The following CUL7 variants were observed in gnomAD, a reference collection of about 807,000 sequenced individuals.
CUL7 encodes the protein cullin 7.
A neutral mutation model predicts 177.7 loss-of-function variants in CUL7; 96 were observed. The ratio of observed to expected loss-of-function variants is 0.54; its 90% CI spans 0.46 to 0.64. CUL7 has a LOEUF of 0.64. Ranked by LOEUF, CUL7 falls within the 30% of genes least tolerant of loss-of-function variation. The pLI is 0.00. For missense variants in CUL7, 1,893 were observed against 2,187.9 expected, an observed-to-expected ratio of 0.87 and a Z score of 2.69; for synonymous variants, 824 against 890.2, an observed-to-expected ratio of 0.93 and a Z score of 1.32.
Position 43,037,836 on chromosome 6 carries a change from A to G in CUL7, c.4949T>C (p.Val1650Ala), listed in dbSNP as rs1763076291. 6.2e-7 allele frequency: 1 copy of G among 1,612,660 alleles called. No individual in the cohort carries two copies. Among genetic ancestry groups the G allele is most frequent in the Non-Finnish European group, 8.5e-7 (1 of 1,179,518 alleles). The change falls in exon 26 of 26, where the codon GTG (valine) becomes GCG (alanine). Residue 1650 changes from valine (V) to alanine (A), a missense_variant. Val to Ala is a moderately conservative substitution (Grantham distance 64, BLOSUM62 0). Coordinates refer to ENST00000265348, the MANE Select transcript of CUL7 (RefSeq NM_014780.5). ...RPQVLSYAVP[V>A]TVMEPHTESL... ...CTCAGTGTGAGGCTCCATGACAGTC[A>G]CAGGGACTGCATAGGACAGCACCTG...
intron 16 of CUL7, among the ~76,000 whole-genome samples, chr6:43,044,157 T>C (rs1763689986): frequency 6.6e-6 from 1 of 151,872 alleles, no homozygotes. Context: ...ACCCCATCTC[T>C]ACTAAAAATA....
At chr6:43,044,388 A>T (rs2150319007) in intron 16 of CUL7, among the ~76,000 whole-genome samples, 1 of 152,164 alleles carries the variant, frequency 6.6e-6, no homozygotes, top group Middle Eastern at 3.4e-3. Context: ...AATCCCAGCT[A>T]CTTGGGAGGC....
rs2150337025 is a variant in CUL7, at chr6:43,052,089, A to C, written c.580+120T>G. ...CTCCTTTTCTTCCAACTCTAAGAGAAGGGCAACAGAATCATTTACGTACTG... is the reference window on the plus strand; with the variant it reads ...CTCCTTTTCTTCCAACTCTAAGAGACGGGCAACAGAATCATTTACGTACTG... On this transcript the variant is annotated intron_variant, in intron 2 of 25. Coordinates refer to ENST00000265348, the MANE Select transcript of CUL7 (RefSeq NM_014780.5). The surrounding 1 kb of genome is among the most constrained non-coding windows in gnomAD (Gnocchi z 4.5). 6.5e-7 allele frequency: 1 copy of C among 1,527,064 alleles called. No individual in the cohort carries two copies. Among genetic ancestry groups the C allele is most frequent in the Admixed American group, 2.0e-5 (1 of 49,862 alleles). The allele number at this position is 1,527,064 out of a possible 1,614,324, so 94.6% of individuals were successfully genotyped here.
chr6:43,046,004 A>G lies in CUL7; in HGVS notation c.2748T>C (p.Leu916=), dbSNP rs1763867515. Residue 916 remains leucine (L), a synonymous_variant, in exon 13 of 26, where the codon CTT becomes CTC. Coordinates refer to ENST00000265348, the MANE Select transcript of CUL7 (RefSeq NM_014780.5). The part of the protein sequence containing the change: ...VVCGGDSTSS[L]HTELNSVNVM... ...GTCCTACCGAGTTGAGTTCCGTGTGAAGAGAGCTAGTGCTATCACCCCCGC... is the reference window on the plus strand; with the variant it reads ...GTCCTACCGAGTTGAGTTCCGTGTGGAGAGAGCTAGTGCTATCACCCCCGC... 4 of 1,613,936 alleles carry G rather than the reference A, an allele frequency of 2.5e-6. No homozygotes were observed. The African/African-American group carries it at 4.0e-5, about 16-fold the overall frequency.
At chr6:43,041,155 A>G (rs901273037) in intron 19 of CUL7, 80 bp from the exon 20 acceptor site, 12 of 1,424,764 alleles carry the variant, frequency 8.4e-6, no homozygotes, top group Admixed American at 5.4e-5. Context: ...AGGGTCTGGA[A>G]AGTAGATATG....
At chr6:43,047,258 A>G (rs140272543) in intron 9 of CUL7, 151 bp from the exon 10 acceptor site, 14,945 of 650,430 alleles carry the variant, frequency 0.023, 230 homozygotes, top group South Asian at 0.033. Context: ...AAAGACAGGG[A>G]TGGGGAGACA....
At position 43,052,543 on chromosome 6, in the gene CUL7, C is replaced by T. The variant is rs374256340; in HGVS notation, c.246G>A (p.Leu82=). The change falls in exon 2 of 26, where the codon CTG becomes CTA. Residue 82 remains leucine, a synonymous_variant. Transcript: ENST00000265348. The surrounding 1 kb of genome is among the most constrained non-coding windows in gnomAD (Gnocchi z 4.5). ...DEIYANCHKM[L]GEDGQVIGPS... Reference sequence around the variant, plus strand: ...GCCCGATGACCTGGCCATCCTCGCCCAGCATCTTGTGGCAGTTGGCATAGA... The same window carrying T: ...GCCCGATGACCTGGCCATCCTCGCCTAGCATCTTGTGGCAGTTGGCATAGA... The T allele has an allele frequency of 2.8e-5, 45 of 1,614,140 alleles. 1 individual carries two copies. The highest frequency in any genetic ancestry group is 1.9e-4 in the South Asian group (17 of 91,094).
chr6:43,045,466 G>GCC lies in CUL7; in HGVS notation c.2863-66_2863-65dup. The GCC allele has an allele frequency of 6.8e-6, 11 of 1,613,806 alleles. No homozygotes were observed. In the South Asian group the frequency reaches 1.2e-4, roughly 18 times the overall value. ...CTTGGGATGGGCTGGGGTCAGCTAC[G>GCC]CCCTCGAACCTCACCCCTGGAGCTG... On this transcript the variant is annotated intron_variant, in intron 14 of 25. Coordinates refer to ENST00000265348, the MANE Select transcript of CUL7 (RefSeq NM_014780.5). The surrounding 1 kb of genome is among the most constrained non-coding windows in gnomAD (Gnocchi z 4.8).
rs145572983 is a variant in CUL7, at chr6:43,048,154, A to G, written c.2163T>C (p.Asp721=). ...CMACLRSPNT[D]REVLQELIFF... is the part of the protein sequence containing the mutation. ...CAGAGCAGGGCAGGGGTACCTCTCG[A>G]TCAGTGTTTGGGGACCGCAGGCAGG... is the stretch of plus-strand genomic sequence containing the variant. Residue 721 remains aspartate, a synonymous_variant, in exon 9 of 26, where the codon GAT becomes GAC. Coordinates refer to ENST00000265348, the MANE Select transcript of CUL7 (RefSeq NM_014780.5). 159 of 1,610,040 alleles carry G rather than the reference A, an allele frequency of 9.9e-5. No homozygotes were observed. The African/African-American group carries it at 2.0e-3, about 20-fold the overall frequency.
In CUL7 at chr6:43,051,665, G is replaced by C. The variant is rs747103340; in HGVS notation, c.679C>G (p.Gln227Glu). The C allele has an allele frequency of 6.2e-7, 1 of 1,614,176 alleles. No individual in the cohort carries two copies. The highest frequency in any genetic ancestry group is 8.5e-7 in the Non-Finnish European group (1 of 1,180,044). ...SRCALLALFA[Q>E]ATLSEHPMSF... Reference sequence around the variant, plus strand: ...ATGGGGTGTTCAGAGAGCGTGGCCTGTGCAAACAGTGCTAGCAGAGCACAG... The same window carrying C: ...ATGGGGTGTTCAGAGAGCGTGGCCTCTGCAAACAGTGCTAGCAGAGCACAG... The change falls in exon 3 of 26, where the codon CAG becomes GAG. Residue 227 changes from glutamine to glutamate, a missense_variant. Physicochemically the swap from Gln to Glu is conservative, Grantham distance 29 (BLOSUM62 2). Coordinates refer to ENST00000265348, the MANE Select transcript of CUL7 (RefSeq NM_014780.5). The surrounding 1 kb of genome is among the most constrained non-coding windows in gnomAD (Gnocchi z 5.0).
intron 25 of CUL7, 60 bp downstream of exon 25, chr6:43,038,207 G>A (rs1299618579): frequency 4.4e-6 from 7 of 1,585,188 alleles, no homozygotes; most frequent in Non-Finnish European, 6.0e-6. Flanking sequence ...ACCTTGTCCT[G>A]TAGACTGCTC....
At position 43,037,936 on chromosome 6, in the gene CUL7, T is replaced by C. The variant is rs1266816548; in HGVS notation, c.4849A>G (p.Ser1617Gly). ...ATGCAGGAGAGGACGTCAGTGCTGC[T>C]GCATGCAGACCCCTTACCAAGGCTG... ...VSSLGKGSACSSTDVLSCILH... is the reference protein window; with the variant it reads ...VSSLGKGSACGSTDVLSCILH... The change falls in exon 26 of 26, where the codon AGC (serine) becomes GGC (glycine). Residue 1617 changes from serine (S) to glycine (G), a missense_variant. This residue lies in a region of CUL7 where 248 missense variants were observed against 262.5 expected (regional missense o/e 0.94). Coordinates refer to ENST00000265348, the MANE Select transcript of CUL7 (RefSeq NM_014780.5). 6.2e-7 allele frequency: 1 copy of C among 1,605,056 alleles called. No individual in the cohort carries two copies. The highest frequency in any genetic ancestry group is 1.3e-5 in the African/African-American group (1 of 74,738).
At chr6:43,042,593 G>A (rs1436262111) in intron 19 of CUL7, among the ~76,000 whole-genome samples, 4 of 152,052 alleles carry the variant, frequency 2.6e-5, no homozygotes, top group Non-Finnish European at 4.4e-5. Flanking sequence ...TGCCTGCCTC[G>A]GCCTCCCAAA....
rs145429275 is a variant in CUL7, at chr6:43,037,924, C to T, written c.4861G>A (p.Val1621Ile). ...AGGAGGTGTAGGATGCAGGAGAGGA[C>T]GTCAGTGCTGCTGCATGCAGACCCC... ...GKGSACSSTD[V>I]LSCILHLLGK... is the part of the protein sequence containing the mutation. Residue 1621 changes from valine (V) to isoleucine (I), a missense_variant, in exon 26 of 26, where the codon GTC becomes ATC. Physicochemically the swap from Val to Ile is conservative, Grantham distance 29 (BLOSUM62 3). Transcript: ENST00000265348. 1.6e-5 allele frequency: 25 copies of T among 1,608,984 alleles called. No homozygotes were observed. Among genetic ancestry groups the T allele is most frequent in the East Asian group, 6.7e-5 (3 of 44,762 alleles).
Position 43,050,965 on chromosome 6 carries a change from C to G in CUL7, c.1233+3G>C. The G allele has an allele frequency of 6.2e-7, 1 of 1,613,944 alleles. No homozygotes were observed. On this transcript the variant is annotated splice_donor_region_variant and intron_variant, in intron 4 of 25. Coordinates refer to ENST00000265348, the MANE Select transcript of CUL7 (RefSeq NM_014780.5). This position sits in a 1 kb window ranked among gnomAD's most constrained non-coding sequence, Gnocchi z 4.1. ...CAGTATCCCACCACCATGTGCCACT[C>G]ACCTGCACAGGAGGCACACCGTTGT... is the stretch of plus-strand genomic sequence containing the variant.
rs779937929 is a variant in CUL7 at position 43,038,572 on chromosome 6, G to C, written c.4561C>G (p.Pro1521Ala). Residue 1521 changes from proline to alanine, a missense_variant, in exon 24 of 26, where the codon CCA becomes GCA. Transcript: ENST00000265348. ...TCTGGCCCTAAGTGCATACCTCCTG[G>C]TATATCCTTTTGCTCGTGAAGGTCC... ...PLDLHEQKDI[P>A]GGVLKIRDGS... The C allele has an allele frequency of 6.2e-7, 1 of 1,613,954 alleles. No homozygotes were observed. The highest frequency in any genetic ancestry group is 8.5e-7 in the Non-Finnish European group (1 of 1,179,988).
rs2150339957 is a variant in CUL7 at position 43,053,361 on chromosome 6, C to T, written c.-9+261G>A. On this transcript the variant is annotated intron_variant, in intron 1 of 25. Transcript: ENST00000265348. The surrounding 1 kb of genome is among the most constrained non-coding windows in gnomAD (Gnocchi z 4.1). ...GGGTTGGAGGCGCCTCCGACTGGAGCAACTGGAACAAGAGGGCTGGTGAGG... is the reference window on the plus strand; with the variant it reads ...GGGTTGGAGGCGCCTCCGACTGGAGTAACTGGAACAAGAGGGCTGGTGAGG... Among the ~76,000 whole-genome samples, 1 of 152,108 alleles carries T rather than the reference C, an allele frequency of 6.6e-6. No homozygotes were observed. The highest frequency in any genetic ancestry group is 1.5e-5 in the Non-Finnish European group (1 of 68,004).
Position 43,052,507 on chromosome 6 carries a change from C to T in CUL7, c.282G>A (p.Glu94=), listed in dbSNP as rs902005303. ...EDGQVIGPSQ[E]SAGEVGALDK... The stretch of plus-strand genomic sequence containing the variant: ...CCAGGGCCCCAACCTCCCCTGCAGA[C>T]TCCTGGGAGGGCCCGATGACCTGGC... The change falls in exon 2 of 26, where the codon GAG becomes GAA. Residue 94 remains glutamate (E), a synonymous_variant. Coordinates refer to ENST00000265348, the MANE Select transcript of CUL7 (RefSeq NM_014780.5). This position sits in a 1 kb window ranked among gnomAD's most constrained non-coding sequence, Gnocchi z 4.5. 6.2e-7 allele frequency: 1 copy of T among 1,614,112 alleles called. No individual in the cohort carries two copies. Among genetic ancestry groups the T allele is most frequent in the African/African-American group, 1.3e-5 (1 of 74,950 alleles).
rs1207345180 is a variant in CUL7 at position 43,052,755 on chromosome 6, C to T, written c.34G>A (p.Val12Met). 1 of 1,608,702 alleles carries T rather than the reference C, an allele frequency of 6.2e-7. No homozygotes were observed. The highest frequency in any genetic ancestry group is 8.5e-7 in the Non-Finnish European group (1 of 1,180,004). The change falls in exon 2 of 26, where the codon GTG (valine) becomes ATG (methionine). Residue 12 changes from valine (V) to methionine (M), a missense_variant. Val to Met is a conservative substitution (Grantham distance 21). Coordinates refer to ENST00000265348, the MANE Select transcript of CUL7 (RefSeq NM_014780.5). This position sits in a 1 kb window ranked among gnomAD's most constrained non-coding sequence, Gnocchi z 4.5. The part of the protein sequence containing the change: ...VGELRYREFR[V>M]PLGPGLHAYP... ...GCATGTAAGCCGGGCCCCAGGGGCACCCTGAATTCCCTGTAGCGGAGTTCT... is the reference window on the plus strand; with the variant it reads ...GCATGTAAGCCGGGCCCCAGGGGCATCCTGAATTCCCTGTAGCGGAGTTCT...
Sources: gnomAD v4.1 joint callset for allele counts (sites outside exome capture counted in the v4.1 genomes callset) on GRCh38, gnomAD v4.1.1 for gene constraint, gnomAD v4.1.1 regional missense constraint, Gnocchi (gnomAD v3.1) non-coding constraint, MANE v1.5 for transcripts, NCBI Gene and HGNC (gene_info 2026-07-23, HGNC 2026-07-21) for gene names.